ABL1: variants seen among roughly 807,000 people sequenced by gnomAD.
The protein encoded by ABL1 is ABL proto-oncogene 1, non-receptor tyrosine kinase.
A neutral mutation model predicts 94.7 loss-of-function variants in ABL1; 11 were observed. The ratio of observed to expected loss-of-function variants is 0.12; its 90% confidence interval spans 0.07 to 0.19. The LOEUF (loss-of-function observed/expected upper bound fraction) is 0.19, where lower values mean the gene tolerates loss of function less well. Ranked by LOEUF, ABL1 falls within the 10% of genes least tolerant of loss-of-function variation. The pLI is 1.00. For missense variants in ABL1, 1,082 were observed against 1,489.4 expected, an observed-to-expected ratio of 0.73 and a Z score of 4.50; for synonymous variants, 656 against 622.4, an observed-to-expected ratio of 1.05 and a Z score of -0.80.
chr9:130,744,358 G>T (rs1831857499), intron 1 of ABL1, among the ~76,000 whole-genome samples: 3 of 151,058 alleles, frequency 2.0e-5, no homozygotes, highest in African/African-American at 7.3e-5. Context: ...GGCCAGGATG[G>T]TCTCGATCTC....
At position 130,727,964 on chromosome 9, in the gene ABL1, G is replaced by C. The variant is rs1040624841; in HGVS notation, c.136+13509G>C. The stretch of plus-strand genomic sequence containing the variant: ...ATATTATTGATCTAGGCACACTTCT[G>C]GTAAGACTAATGAAGAAAAAGAAAA... On this transcript the variant is annotated intron_variant, in intron 1 of 10. Transcript: ENST00000372348. Among the ~76,000 whole-genome samples, 3 of 151,788 alleles carry C rather than the reference G, an allele frequency of 2.0e-5. No homozygotes were observed. In the East Asian group the frequency reaches 5.8e-4, roughly 29 times the overall value.
intron 1 of ABL1, among the ~76,000 whole-genome samples, chr9:130,824,085 C>T (rs1027301302): frequency 6.6e-6 from 1 of 152,152 alleles, no homozygotes; most frequent in African/African-American, 2.4e-5. Context: ...GTCTGTCTAT[C>T]GGAATAGATA....
chr9:130,868,717 C>T (rs1278173652), intron 4 of ABL1, among the ~76,000 whole-genome samples: 1 of 151,744 alleles, frequency 6.6e-6, no homozygotes, highest in Non-Finnish European at 1.5e-5. Flanking sequence ...GACACGGTTT[C>T]ACCATGTGGC....
chr9:130,713,568 G>T (rs945474167), exon 1 of ABL1, among the ~76,000 whole-genome samples: 1 of 152,276 alleles, frequency 6.6e-6, no homozygotes, highest in Non-Finnish European at 1.5e-5. Context: ...TGCTGTCAAG[G>T]GGTCTCCCCT....
At chr9:130,782,910 C>T (rs1325606998) in intron 1 of ABL1, among the ~76,000 whole-genome samples, 5 of 152,144 alleles carry the variant, frequency 3.3e-5, no homozygotes, top group Non-Finnish European at 7.3e-5. Context: ...GAACAATGCA[C>T]CTAGATTCAT....
rs1392152024 is a variant in ABL1, at chr9:130,886,717, T to G, written c.*1034T>G. ...AGTAGATTCTTACAAGGCCCTTTCC[T>G]TTGGAACAAGACAGCCTTCACTTTT... On this transcript the variant is annotated 3_prime_UTR_variant, in exon 11 of 11. Coordinates refer to ENST00000318560, the MANE Select transcript of ABL1 (RefSeq NM_005157.6). 2 of 233,538 alleles carry G rather than the reference T, an allele frequency of 8.6e-6. No individual in the cohort carries two copies. Among genetic ancestry groups the G allele is most frequent in the Non-Finnish European group, 1.7e-5 (2 of 117,964 alleles). The allele number at this position is 233,538 out of a possible 1,614,324, so 14.5% of individuals were successfully genotyped here.
Position 130,880,417 on chromosome 9 carries a change from C to G in ABL1, c.1514-83C>G. The G allele has an allele frequency of 1.3e-6, 2 of 1,519,026 alleles. No individual in the cohort carries two copies. Among genetic ancestry groups the G allele is most frequent in the South Asian group, 1.2e-5 (1 of 83,446 alleles). 94.1% of individuals were successfully genotyped at this position (1,519,026 alleles called of 1,614,324 possible). A position where few individuals can be genotyped will look rare whatever the true frequency, so the allele number is the denominator to read the frequency against. On this transcript the variant is annotated intron_variant, in intron 9 of 10. Transcript: ENST00000318560. The surrounding 1 kb of genome is among the most constrained non-coding windows in gnomAD (Gnocchi z 4.4). ...TATGCAGATGAGCACTGTTACCTTA[C>G]AAAGAAAGAGAACCACCACACCAAG...
At chr9:130,821,533 G>A (rs1197383860) in intron 1 of ABL1, among the ~76,000 whole-genome samples, 1 of 151,934 alleles carries the variant, frequency 6.6e-6, no homozygotes, top group African/African-American at 2.4e-5. Flanking sequence ...TCACTAGTTG[G>A]TGAACATTTG....
chr9:130,884,047 A>C lies in ABL1; in HGVS notation c.1757A>C (p.Glu586Ala). ...GGTCCCCCGGAGGGCGGCCTGAATGAAGATGAGCGCCTTCTCCCCAAAGAC... is the reference window on the plus strand; with the variant it reads ...GGTCCCCCGGAGGGCGGCCTGAATGCAGATGAGCGCCTTCTCCCCAAAGAC... The part of the protein sequence containing the change: ...ERGPPEGGLN[E>A]DERLLPKDKK... Residue 586 changes from glutamate (E) to alanine (A), a missense_variant, in exon 11 of 11, where the codon GAA becomes GCA. This residue lies in a region of ABL1 where 780 missense variants were observed against 835.8 expected (regional missense o/e 0.93). Transcript: ENST00000318560. This position sits in a 1 kb window ranked among gnomAD's most constrained non-coding sequence, Gnocchi z 5.6. 6.2e-7 allele frequency: 1 copy of C among 1,613,952 alleles called. No individual in the cohort carries two copies. Among genetic ancestry groups the C allele is most frequent in the African/African-American group, 1.3e-5 (1 of 75,044 alleles).
intron 3 of ABL1, among the ~76,000 whole-genome samples, chr9:130,861,091 A>G (rs1321161216): frequency 6.6e-6 from 1 of 152,188 alleles, no homozygotes; most frequent in Non-Finnish European, 1.5e-5. Flanking sequence ...CCGTGCTCTC[A>G]AGAATAAAAG....
chr9:130,791,837 A>G (rs1829912119), intron 1 of ABL1, among the ~76,000 whole-genome samples: 1 of 152,114 alleles, frequency 6.6e-6, no homozygotes, highest in Admixed American at 6.5e-5. Flanking sequence ...ATATCGTGGG[A>G]CTTTGCCTTG....
chr9:130,785,928 TAAAAAAAAAAAAAAAAA>T (rs34333699), intron 1 of ABL1, among the ~76,000 whole-genome samples: 3 of 56,658 alleles, frequency 5.3e-5, no homozygotes, highest in African/African-American at 1.8e-4. Flanking sequence ...GTCTCAAAAC[TAAAAAAAAAAAAAAAAA>T]AAAAAAAAAA....
intron 1 of ABL1, among the ~76,000 whole-genome samples, chr9:130,799,663 T>G (rs777528624): frequency 1.3e-5 from 2 of 152,172 alleles, no homozygotes; most frequent in Non-Finnish European, 2.9e-5. Context: ...ACACAGTAAG[T>G]GAAGTGTTGA....
At chr9:130,748,255 T>C (rs574105246) in intron 1 of ABL1, among the ~76,000 whole-genome samples, 39 of 152,304 alleles carry the variant, frequency 2.6e-4, no homozygotes, top group African/African-American at 9.4e-4. Context: ...AGAAGAACAT[T>C]GCTGTCTTAA....
At chr9:130,740,200 T>A (rs1205382486) in intron 1 of ABL1, among the ~76,000 whole-genome samples, 1 of 152,146 alleles carries the variant, frequency 6.6e-6, no homozygotes, top group East Asian at 1.9e-4. Context: ...ACACACACAA[T>A]CAATCAAACA....
At chr9:130,838,385 G>A (rs1362768500) in intron 1 of ABL1, among the ~76,000 whole-genome samples, 2 of 151,976 alleles carry the variant, frequency 1.3e-5, no homozygotes, top group African/African-American at 4.8e-5. Context: ...ACCTGATCCT[G>A]GCAAAATGAT....
At chr9:130,729,323 G>T (rs1169786710) in intron 1 of ABL1, among the ~76,000 whole-genome samples, 1 of 152,180 alleles carries the variant, frequency 6.6e-6, no homozygotes, top group Non-Finnish European at 1.5e-5. Flanking sequence ...TGGAAGCCAT[G>T]GACCCACAGG....
At chr9:130,836,707 C>G (rs907672051) in intron 1 of ABL1, among the ~76,000 whole-genome samples, 4 of 151,760 alleles carry the variant, frequency 2.6e-5, no homozygotes, top group African/African-American at 9.7e-5. Context: ...CGCCTGTAAT[C>G]CCAGCTACTC....
chr9:130,857,146 TA>T (rs758043785), intron 3 of ABL1, among the ~76,000 whole-genome samples: 4 of 152,246 alleles, frequency 2.6e-5, no homozygotes, highest in Admixed American at 6.5e-5. Context: ...ATAGACTGAC[TA>T]GTGGCCCATG....
Sources: allele counts gnomAD v4.1 joint callset (sites outside exome capture counted in the v4.1 genomes callset), GRCh38; gene constraint gnomAD v4.1.1; regional missense constraint gnomAD v4.1.1; non-coding constraint Gnocchi (gnomAD v3.1); transcripts MANE v1.5; gene names NCBI Gene and HGNC (gene_info 2026-07-23, HGNC 2026-07-21).